Variants in PRICKLE2 observed in about 807,000 individuals in gnomAD.
PRICKLE2 encodes prickle planar cell polarity protein 2.
A neutral mutation model predicts 81.4 loss-of-function variants in PRICKLE2; 21 were observed. The observed-to-expected ratio is 0.26, with a 90% CI of 0.18 to 0.37. The LOEUF is 0.37. Ranked by LOEUF, PRICKLE2 falls within the 10% of genes least tolerant of loss-of-function variation. The pLI is 1.00. For synonymous variants in PRICKLE2, 456 were observed against 421.5 expected (o/e 1.08, Z -1.00); for missense variants, 940 against 1,109.0 (o/e 0.85, Z 2.16).
chr3:64,116,127 G>T (rs2076930597), intron 7 of PRICKLE2, among the ~76,000 whole-genome samples: 1 of 152,116 alleles, frequency 6.6e-6, no homozygotes, highest in African/African-American at 2.4e-5. Context: ...AGGCAGAAAT[G>T]AAGAAGTACT....
intron 2 of PRICKLE2, among the ~76,000 whole-genome samples, chr3:64,237,438 C>T (rs1000610140): frequency 1.1e-4 from 17 of 152,046 alleles, no homozygotes; most frequent in African/African-American, 3.4e-4. Context: ...CGGCCATCTC[C>T]GGCCGAACTC....
In PRICKLE2 at chr3:64,178,979, C is replaced by CTTTCTTTCTTTCTTTCT. The variant is rs2078071782; in HGVS notation, c.145-15867_145-15851dup. Among the ~76,000 whole-genome samples the CTTTCTTTCTTTCTTTCT allele has an allele frequency of 2.7e-5, 3 of 112,810 alleles. No individual in the cohort carries two copies. The East Asian group carries it at 8.8e-4, about 33-fold the overall frequency. 74.0% of individuals were successfully genotyped at this position (112,810 alleles called of 152,430 possible). On this transcript the variant is annotated intron_variant, in intron 2 of 7. Coordinates refer to ENST00000638394, the MANE Select transcript of PRICKLE2 (RefSeq NM_198859.4). Reference sequence around the variant, plus strand: ...ACATACATATTTTCTTTCTTTCTTTCTTTCTTTCTTTCTTTCTTTCTTTCT... The same window carrying CTTTCTTTCTTTCTTTCT: ...ACATACATATTTTCTTTCTTTCTTTCTTTCTTTCTTTCTTTCTTTTCTTTCTTTCTTTCTTTCTTTCT...
upstream of PRICKLE2, among the ~76,000 whole-genome samples, chr3:64,226,834 T>A (rs2107156350): frequency 6.6e-6 from 1 of 152,316 alleles, no homozygotes; most frequent in Non-Finnish European, 1.5e-5. Context: ...ACTCTGTGCC[T>A]GTGATAAGGA....
chr3:64,156,586 G>A (rs553924951), intron 5 of PRICKLE2, among the ~76,000 whole-genome samples: 16 of 152,272 alleles, frequency 1.1e-4, no homozygotes, highest in African/African-American at 2.6e-4. Flanking sequence ...GAGGTTTTGC[G>A]TTCTATCCTG....
At chr3:64,113,693 C>CATT (rs751850594) in intron 7 of PRICKLE2, among the ~76,000 whole-genome samples, 1 of 152,112 alleles carries the variant, frequency 6.6e-6, no homozygotes, top group Non-Finnish European at 1.5e-5. Flanking sequence ...CTTTGGTGGG[C>CATT]ATAAAGCCAG....
intron 1 of PRICKLE2, among the ~76,000 whole-genome samples, chr3:64,204,326 T>C (rs1439964279): frequency 6.6e-6 from 1 of 152,080 alleles, no homozygotes; most frequent in Non-Finnish European, 1.5e-5. Flanking sequence ...CCTAGACTCT[T>C]CCATCAGTCC....
At chr3:64,236,764 T>C (rs1325986343) in intron 2 of PRICKLE2, among the ~76,000 whole-genome samples, 4 of 152,216 alleles carry the variant, frequency 2.6e-5, no homozygotes, top group Admixed American at 1.3e-4. Context: ...GACAAAGTTA[T>C]TTAACCTCTC....
intron 2 of PRICKLE2, among the ~76,000 whole-genome samples, chr3:64,193,582 G>A (rs1227947146): frequency 6.6e-6 from 1 of 152,172 alleles, no homozygotes; most frequent in Non-Finnish European, 1.5e-5. Context: ...CCAAATCAAA[G>A]CAGAAATATA....
At chr3:64,133,114 G>A (rs1206388123) in intron 7 of PRICKLE2, among the ~76,000 whole-genome samples, 2 of 152,006 alleles carry the variant, frequency 1.3e-5, no homozygotes, top group Admixed American at 1.3e-4. Context: ...GCCAGATAAA[G>A]GTGTGTCATC....
At position 64,125,754 on chromosome 3, in the gene PRICKLE2, A is replaced by G. The variant is rs150753677; in HGVS notation, c.1660+21076T>C. Among the ~76,000 whole-genome samples, 99 of 152,348 alleles carry G rather than the reference A, an allele frequency of 6.5e-4. No individual in the cohort carries two copies. The East Asian group carries it at 0.018, about 27-fold the overall frequency. ...ATTGGGAAACCAAAAAATTTGCATG[A>G]CTCACTTTATTGTGATATCTGCTCT... On this transcript the variant is annotated intron_variant, in intron 7 of 7. Coordinates refer to ENST00000638394, the MANE Select transcript of PRICKLE2 (RefSeq NM_198859.4).
chr3:64,117,084 A>T (rs1223655936), intron 7 of PRICKLE2, among the ~76,000 whole-genome samples: 1 of 152,228 alleles, frequency 6.6e-6, no homozygotes, highest in African/African-American at 2.4e-5. Context: ...ACATAAACAG[A>T]ACTAAAGACG....
intron 7 of PRICKLE2, among the ~76,000 whole-genome samples, chr3:64,119,503 T>C (rs1025166001): frequency 6.6e-6 from 1 of 152,140 alleles, no homozygotes; most frequent in Non-Finnish European, 1.5e-5. Flanking sequence ...AAAAGCACAA[T>C]GAGATACTAT....
chr3:64,221,603 A>G (rs2078955527), intron 1 of PRICKLE2, among the ~76,000 whole-genome samples: 1 of 152,194 alleles, frequency 6.6e-6, no homozygotes, highest in South Asian at 2.1e-4. Flanking sequence ...TAGTTTGCAA[A>G]TAGCTCATGG....
At chr3:64,125,623 CA>C (rs57398672) in intron 7 of PRICKLE2, among the ~76,000 whole-genome samples, 21,088 of 152,204 alleles carry the variant, frequency 0.14, 1,723 homozygotes, top group Non-Finnish European at 0.18. Flanking sequence ...GGATCAACAG[CA>C]CTTTCTAGTA....
rs539783927 is a variant in PRICKLE2, at chr3:64,163,496, G to A, written c.145-367C>T. 305 of 334,298 alleles carry A rather than the reference G, an allele frequency of 9.1e-4. 1 individual carries two copies. The highest frequency in any genetic ancestry group is 1.9e-3 in the Admixed American group (47 of 24,778). The allele number at this position is 334,298 out of a possible 1,614,324, so 20.7% of individuals were successfully genotyped here. On this transcript the variant is annotated intron_variant, in intron 2 of 7. Transcript: ENST00000638394. ...TCTCTGTTAGTCTCCAGCATATGAC[G>A]TGCCTCCCTAGCCAAAGGGATATGT...
At chr3:64,251,922 G>C (rs1337119261) in intron 2 of PRICKLE2, among the ~76,000 whole-genome samples, 5 of 152,140 alleles carry the variant, frequency 3.3e-5, no homozygotes, top group Non-Finnish European at 7.3e-5. Context: ...GGACACATCA[G>C]TGCATATGGG....
At chr3:64,187,213 G>A (rs564184853) in intron 2 of PRICKLE2, among the ~76,000 whole-genome samples, 6 of 152,310 alleles carry the variant, frequency 3.9e-5, no homozygotes, top group Admixed American at 2.0e-4. Context: ...TGACAGCTCC[G>A]TTGAAAACAA....
At position 64,225,324 on chromosome 3, in the gene PRICKLE2, C is replaced by A; in HGVS notation, c.-455G>T. 1.0e-6 allele frequency: 1 copy of A among 985,446 alleles called. No homozygotes were observed. The highest frequency in any genetic ancestry group is 1.2e-6 in the Non-Finnish European group (1 of 829,976). 61.0% of individuals were successfully genotyped at this position (985,446 alleles called of 1,614,324 possible). ...ATAGACTCCAGCCCAGCGTCACCAG[C>A]TGATCCTGAGCCAGACCCGGGGTGA... On this transcript the variant is annotated 5_prime_UTR_variant, in exon 1 of 8. Transcript: ENST00000638394.
intron 2 of PRICKLE2, among the ~76,000 whole-genome samples, chr3:64,172,501 T>A (rs951684204): frequency 6.6e-6 from 1 of 152,256 alleles, no homozygotes; most frequent in Non-Finnish European, 1.5e-5. Context: ...GGGCAAGTTA[T>A]TTGATCTCTT....
Sources: allele counts gnomAD v4.1 joint callset (sites outside exome capture counted in the v4.1 genomes callset), GRCh38; gene constraint gnomAD v4.1.1; transcripts MANE v1.5; gene names NCBI Gene and HGNC (gene_info 2026-07-23, HGNC 2026-07-21).